The following WDPCP variants were observed in gnomAD, a reference collection of about 807,000 sequenced individuals.
The protein encoded by WDPCP is WD repeat containing planar cell polarity effector.
WDPCP carries 71 observed loss-of-function variants against 93.1 expected under a neutral mutation model. The ratio of observed to expected loss-of-function variants is 0.76; its 90% CI spans 0.63 to 0.93. WDPCP has a LOEUF of 0.93. Among genes scored for constraint, WDPCP ranks in the 40% least tolerant of loss-of-function variants. The pLI is 0.00. For missense variants in WDPCP, 844 were observed against 887.4 expected (o/e 0.95, Z 0.62); for synonymous variants, 315 against 315.0 (o/e 1.00, Z 0.00).
Position 63,169,596 on chromosome 2 carries a change from A to AGT in WDPCP, c.2078+5072_2078+5073dup, listed in dbSNP as rs553883310. Among the ~76,000 whole-genome samples the AGT allele has an allele frequency of 5.9e-3, 901 of 152,298 alleles. 8 individuals carry two copies. The highest frequency in any genetic ancestry group is 0.029 in the South Asian group (142 of 4,822). ...AGATCAAATAACTTACATAAGCAAA[A>AGT]GTACATGAATATATTTTGCAACATT... On this transcript the variant is annotated intron_variant, in intron 15 of 17. Coordinates refer to ENST00000272321, the MANE Select transcript of WDPCP (RefSeq NM_015910.7).
intron 3 of WDPCP, among the ~76,000 whole-genome samples, chr2:63,615,380 C>A (rs1411000448): frequency 6.6e-6 from 1 of 152,150 alleles, no homozygotes; most frequent in East Asian, 1.9e-4. Flanking sequence ...GGATCTACCT[C>A]CCCTTTTTCA....
At chr2:63,304,636 C>T (rs1243067727) in intron 13 of WDPCP, among the ~76,000 whole-genome samples, 2 of 152,194 alleles carry the variant, frequency 1.3e-5, no homozygotes, top group African/African-American at 4.8e-5. Flanking sequence ...GCCTACACCA[C>T]CAGGGCCCTG....
intron 1 of WDPCP, among the ~76,000 whole-genome samples, chr2:63,503,025 G>A (rs1701651583): frequency 6.6e-6 from 1 of 152,146 alleles, no homozygotes; most frequent in African/African-American, 2.4e-5. Context: ...AGAAAAGTAG[G>A]AATCCCTTCA....
chr2:63,747,188 T>C (rs530881270), intron 2 of WDPCP, among the ~76,000 whole-genome samples: 1 of 152,184 alleles, frequency 6.6e-6, no homozygotes, highest in African/African-American at 2.4e-5. Flanking sequence ...AGATGTTAGA[T>C]CTTAGTAACA....
intron 2 of WDPCP, among the ~76,000 whole-genome samples, chr2:63,809,756 C>A (rs1431046175): frequency 6.6e-6 from 1 of 151,898 alleles, no homozygotes; most frequent in Non-Finnish European, 1.5e-5. Context: ...TCTCAAGGAC[C>A]CAGGGACACA....
At chr2:63,415,969 A>T (rs956431854) in intron 9 of WDPCP, among the ~76,000 whole-genome samples, 1 of 152,212 alleles carries the variant, frequency 6.6e-6, no homozygotes, top group Non-Finnish European at 1.5e-5. Context: ...CTGACTTCTC[A>T]TAAAGATGCT....
chr2:63,278,897 G>T (rs556006705), intron 13 of WDPCP, among the ~76,000 whole-genome samples: 3 of 152,270 alleles, frequency 2.0e-5, no homozygotes, highest in East Asian at 1.9e-4. Flanking sequence ...AGAGGAGATG[G>T]ATAAATTCCT....
At chr2:63,661,380 C>T (rs1171735985) in intron 2 of WDPCP, among the ~76,000 whole-genome samples, 1 of 152,140 alleles carries the variant, frequency 6.6e-6, no homozygotes, top group Admixed American at 6.5e-5. Context: ...AGTGAGTATT[C>T]AGTTAATGTC....
At chr2:63,646,616 G>A (rs1276527964) in intron 3 of WDPCP, among the ~76,000 whole-genome samples, 1 of 151,794 alleles carries the variant, frequency 6.6e-6, no homozygotes, top group East Asian at 1.9e-4. Flanking sequence ...CTCAGCTTTT[G>A]TTCGCTTGGT....
intron 3 of WDPCP, chr2:63,599,861 G>A (rs1010362610): frequency 6.6e-6 from 1 of 152,186 alleles, no homozygotes; most frequent in Non-Finnish European, 1.5e-5. Flanking sequence ...CCATAGATAA[G>A]TATGCCAAGG....
At chr2:63,565,806 G>T (rs1706997715) in intron 1 of WDPCP, among the ~76,000 whole-genome samples, 1 of 152,134 alleles carries the variant, frequency 6.6e-6, no homozygotes, top group East Asian at 1.9e-4. Context: ...TTAAAACTTT[G>T]CAAAGGAGAT....
chr2:63,620,529 G>C (rs1391307732), intron 3 of WDPCP, among the ~76,000 whole-genome samples: 1 of 152,224 alleles, frequency 6.6e-6, no homozygotes, highest in Middle Eastern at 3.2e-3. Context: ...CCCGTCAGGG[G>C]CTTACAGATA....
At chr2:63,617,168 A>G (rs1709681106) in intron 3 of WDPCP, among the ~76,000 whole-genome samples, 1 of 152,210 alleles carries the variant, frequency 6.6e-6, no homozygotes, top group Non-Finnish European at 1.5e-5. Context: ...TTGCAGCCAT[A>G]AGAGATAATT....
intron 6 of WDPCP, among the ~76,000 whole-genome samples, chr2:63,452,344 T>G (rs565866375): frequency 1.1e-4 from 17 of 152,296 alleles, no homozygotes; most frequent in Non-Finnish European, 1.5e-5. Context: ...CATTCACAAT[T>G]GCTTCAAAGA....
intron 14 of WDPCP, among the ~76,000 whole-genome samples, chr2:63,185,405 C>T (rs1237789274): frequency 6.6e-6 from 1 of 151,822 alleles, no homozygotes; most frequent in African/African-American, 2.4e-5. Flanking sequence ...CCCCTCTCCC[C>T]CACCCCCAAA....
chr2:63,202,128 A>G (rs1675960559), intron 14 of WDPCP, among the ~76,000 whole-genome samples: 1 of 151,810 alleles, frequency 6.6e-6, no homozygotes, highest in Non-Finnish European at 1.5e-5. Flanking sequence ...TATAAACATT[A>G]AGTACTATAT....
chr2:63,339,564 G>A (rs1363530987), intron 12 of WDPCP, among the ~76,000 whole-genome samples: 1 of 152,072 alleles, frequency 6.6e-6, no homozygotes, highest in Admixed American at 6.6e-5. Flanking sequence ...GACTGAATTC[G>A]TTTATCAGTT....
intron 5 of WDPCP, 27 bp downstream of exon 5, chr2:63,484,890 C>G (rs1161961988): frequency 6.2e-7 from 1 of 1,609,930 alleles, no homozygotes; most frequent in South Asian, 1.1e-5. Context: ...TTGTTTGTTG[C>G]CATTTTTGAA....
chr2:63,341,774 AAT>A (rs1688858334), intron 12 of WDPCP, among the ~76,000 whole-genome samples: 1 of 152,140 alleles, frequency 6.6e-6, no homozygotes, highest in South Asian at 2.1e-4. Context: ...CTCTTTCATC[AAT>A]ATATGATGTT....
Sources: allele counts gnomAD v4.1 joint callset (sites outside exome capture counted in the v4.1 genomes callset), GRCh38; gene constraint gnomAD v4.1.1; transcripts MANE v1.5; gene names NCBI Gene and HGNC (gene_info 2026-07-23, HGNC 2026-07-21).